Variants in TFG observed in about 807,000 individuals in gnomAD.
The protein encoded by TFG is trafficking from ER to golgi regulator.
TFG carries 22 observed loss-of-function variants against 51.4 expected under a neutral mutation model. The observed-to-expected ratio is 0.43, with a 90% CI of 0.31 to 0.61. The LOEUF is 0.61. TFG is among the 20% of genes least tolerant of loss of function. The probability of loss-of-function intolerance (pLI) is 0.12; values close to 1 mark genes in which losing one functional copy is unlikely to be tolerated. For missense variants in TFG, 419 were observed against 487.7 expected, an observed-to-expected ratio of 0.86 and a Z score of 1.33; for synonymous variants, 187 against 165.6, an observed-to-expected ratio of 1.13 and a Z score of -0.99.
chr3:100,748,761 A>ACTACT lies in TFG; in HGVS notation c.*233_*237dup. 2 of 511,962 alleles carry ACTACT rather than the reference A, an allele frequency of 3.9e-6. No individual in the cohort carries two copies. Among genetic ancestry groups the ACTACT allele is most frequent in the Non-Finnish European group, 6.9e-6 (2 of 291,294 alleles). 31.7% of individuals were successfully genotyped at this position (511,962 alleles called of 1,614,324 possible). On this transcript the variant is annotated 3_prime_UTR_variant, in exon 8 of 8. Coordinates refer to ENST00000240851, the MANE Select transcript of TFG (RefSeq NM_006070.6). ...AGCAGCTTCTTAGTTACTTTGGAAC[A>ACTACT]CTACTCTTACATGTATAAAGTGATT...
At chr3:100,733,658 C>A (rs566177508) in intron 5 of TFG, among the ~76,000 whole-genome samples, 2 of 152,176 alleles carry the variant, frequency 1.3e-5, no homozygotes, top group South Asian at 4.1e-4. Flanking sequence ...TTTTCTGTTT[C>A]TTTGCCTGTC....
At chr3:100,742,346 A>C (rs1039790847) in intron 6 of TFG, 1 of 152,244 alleles carries the variant, frequency 6.6e-6, no homozygotes, top group African/African-American at 2.4e-5. Context: ...TCTGATCACA[A>C]AAATACCCCC....
chr3:100,728,649 C>T, intron 3 of TFG, 63 bp from the exon 4 acceptor site: 2 of 1,241,144 alleles, frequency 1.6e-6, no homozygotes, highest in Non-Finnish European at 1.1e-6. Context: ...TTCCTTGTTG[C>T]ATATTATTAG....
At chr3:100,723,240 T>A (rs576910438) in intron 3 of TFG, among the ~76,000 whole-genome samples, 15 of 152,302 alleles carry the variant, frequency 9.8e-5, no homozygotes, top group Non-Finnish European at 1.8e-4. Flanking sequence ...TAGATTTTTT[T>A]AATTGCATAC....
At chr3:100,714,387 A>G (rs900487017) in intron 2 of TFG, among the ~76,000 whole-genome samples, 6 of 151,958 alleles carry the variant, frequency 3.9e-5, no homozygotes, top group East Asian at 1.9e-4. Flanking sequence ...TGTAATCCCA[A>G]CTACTCGGGA....
intron 6 of TFG, among the ~76,000 whole-genome samples, chr3:100,738,531 TAAA>T (rs1221372008): frequency 6.6e-6 from 1 of 152,188 alleles, no homozygotes; most frequent in African/African-American, 2.4e-5. Flanking sequence ...TTCAAATAAG[TAAA>T]ATTTTAAAAA....
intron 6 of TFG, among the ~76,000 whole-genome samples, chr3:100,740,688 T>G (rs2149092258): frequency 6.6e-6 from 1 of 152,262 alleles, no homozygotes; most frequent in South Asian, 2.1e-4. Context: ...CAGAAGCCGT[T>G]GAGGGTCATG....
At chr3:100,740,482 C>G (rs747158824) in intron 6 of TFG, among the ~76,000 whole-genome samples, 6 of 152,130 alleles carry the variant, frequency 3.9e-5, no homozygotes, top group Non-Finnish European at 8.8e-5. Context: ...AGCCTGTCCT[C>G]AGAAATGTCA....
At chr3:100,742,513 A>AGG (rs2095123986) in intron 6 of TFG, 1 of 152,236 alleles carries the variant, frequency 6.6e-6, no homozygotes, top group African/African-American at 2.4e-5. Context: ...AGTGGGGACC[A>AGG]ACCCTGACAG....
At position 100,732,499 on chromosome 3, in the gene TFG, T is replaced by A. The variant is rs115896544; in HGVS notation, c.416-9T>A. 6.3e-7 allele frequency: 1 copy of A among 1,595,396 alleles called. No homozygotes were observed. Among genetic ancestry groups the A allele is most frequent in the African/African-American group, 1.4e-5 (1 of 73,564 alleles). ...AAACAAGTTTTTGTTTATTCCTCTA[T>A]TTTTACAGATACTGTGGATGGTAGG... On this transcript the variant is annotated splice_polypyrimidine_tract_variant and intron_variant, in intron 4 of 7. Transcript: ENST00000240851.
chr3:100,735,054 A>G (rs1200776592), intron 5 of TFG, among the ~76,000 whole-genome samples: 1 of 152,206 alleles, frequency 6.6e-6, no homozygotes, highest in Non-Finnish European at 1.5e-5. Flanking sequence ...AGGAAAGAGG[A>G]GCCAAAGTAA....
intron 3 of TFG, among the ~76,000 whole-genome samples, chr3:100,721,731 A>T (rs543548304): frequency 3.1e-4 from 47 of 152,362 alleles, no homozygotes; most frequent in African/African-American, 1.1e-3. Context: ...AAGACACATG[A>T]AGCTGTCAGG....
At chr3:100,739,090 T>G (rs556146247) in intron 6 of TFG, among the ~76,000 whole-genome samples, 1 of 152,292 alleles carries the variant, frequency 6.6e-6, no homozygotes, top group African/African-American at 2.4e-5. Flanking sequence ...ATTTATAGAT[T>G]CCCAGCATGA....
At chr3:100,715,338 CAT>C (rs2095042708) in intron 2 of TFG, among the ~76,000 whole-genome samples, 2 of 152,184 alleles carry the variant, frequency 1.3e-5, no homozygotes, top group African/African-American at 4.8e-5. Flanking sequence ...TATGAAGAAT[CAT>C]ATGGGAGATT....
At position 100,748,903 on chromosome 3, in the gene TFG, A is replaced by T. The variant is rs935053000; in HGVS notation, c.*372A>T. 1 of 227,624 alleles carries T rather than the reference A, an allele frequency of 4.4e-6. No homozygotes were observed. The highest frequency in any genetic ancestry group is 8.7e-6 in the Non-Finnish European group (1 of 114,394). The allele number at this position is 227,624 out of a possible 1,614,324, so 14.1% of individuals were successfully genotyped here. On this transcript the variant is annotated 3_prime_UTR_variant, in exon 8 of 8. Coordinates refer to ENST00000240851, the MANE Select transcript of TFG (RefSeq NM_006070.6). ...TGTACTAAAGTAGAGCCCTTTGAGA[A>T]TACAAGATATTATGTATAAAATGTA...
At chr3:100,726,841 T>C (rs2095077299) in intron 3 of TFG, among the ~76,000 whole-genome samples, 1 of 152,206 alleles carries the variant, frequency 6.6e-6, no homozygotes, top group Admixed American at 6.5e-5. Flanking sequence ...AGCTTTGCTC[T>C]GCATTGGATG....
Position 100,728,866 on chromosome 3 carries a change from C to A in TFG, c.415+8C>A. 1 of 1,597,038 alleles carries A rather than the reference C, an allele frequency of 6.3e-7. No individual in the cohort carries two copies. The highest frequency in any genetic ancestry group is 8.5e-7 in the Non-Finnish European group (1 of 1,173,504). On this transcript the variant is annotated splice_region_variant and intron_variant, in intron 4 of 7. Coordinates refer to ENST00000240851, the MANE Select transcript of TFG (RefSeq NM_006070.6). The stretch of plus-strand genomic sequence containing the variant: ...CCAATATTCCTGAAAATGGTAAACC[C>A]TGAATCCATTGTATTCTGACTTATT...
At chr3:100,717,365 C>T (rs1343723725) in intron 2 of TFG, among the ~76,000 whole-genome samples, 1 of 152,098 alleles carries the variant, frequency 6.6e-6, no homozygotes, top group Non-Finnish European at 1.5e-5. Context: ...GTTCTTTGCT[C>T]AGTATTGCTT....
chr3:100,715,890 CTT>C (rs746654375), intron 2 of TFG, among the ~76,000 whole-genome samples: 2 of 136,464 alleles, frequency 1.5e-5, no homozygotes, highest in Non-Finnish European at 3.2e-5. Flanking sequence ...AGATTTTTAA[CTT>C]TTTTTTTTTT....
Sources: gnomAD v4.1 joint callset for allele counts (sites outside exome capture counted in the v4.1 genomes callset) on GRCh38, gnomAD v4.1.1 for gene constraint, MANE v1.5 for transcripts, NCBI Gene and HGNC (gene_info 2026-07-23, HGNC 2026-07-21) for gene names.